Variants in TTN observed in about 807,000 individuals in gnomAD.
TTN encodes titin.
A neutral mutation model predicts 3,223.0 loss-of-function variants in TTN; 1,525 were observed. That is an observed-to-expected ratio of 0.47 (90% CI 0.45 to 0.49). The LOEUF is 0.49. TTN is among the 20% of genes least tolerant of loss of function. The probability of loss-of-function intolerance (pLI) is 0.00; values close to 1 mark genes in which losing one functional copy is unlikely to be tolerated. For missense variants in TTN, 40,786 were observed against 43,424.0 expected (o/e 0.94, Z 5.40); for synonymous variants, 14,094 against 15,161.0 (o/e 0.93, Z 5.17).
rs72648220 is a variant in TTN, at chr2:178,561,779, C to A, written c.84353G>T (p.Arg28118Leu). Residue 28118 changes from arginine (R) to leucine (L), a missense_variant, in exon 326 of 363, where the codon CGC becomes CTC. Transcript: ENST00000589042. ...AVARTSIKIV[R>L]LTTGSEYQFR... ...CTGATACTCACTTCCTGTTGTCAGG[C>A]GAACTATTTTAATGGATGTTCTTGC... 1.2e-5 allele frequency: 20 copies of A among 1,613,442 alleles called. No individual in the cohort carries two copies. The highest frequency in any genetic ancestry group is 1.7e-5 in the Non-Finnish European group (20 of 1,179,712).
rs764788146 is a variant in TTN, at chr2:178,578,194, G to C, written c.68330-9C>G. The C allele has an allele frequency of 6.2e-7, 1 of 1,606,682 alleles. No individual in the cohort carries two copies. The highest frequency in any genetic ancestry group is 1.3e-5 in the African/African-American group (1 of 74,582). ...GAACTCGAGATGATACCCTACAAAA[G>C]ACCCAGGGATGTATCAAGTATAAAT... On this transcript the variant is annotated splice_polypyrimidine_tract_variant and intron_variant, in intron 321 of 362. Transcript: ENST00000589042.
In TTN at chr2:178,564,059, T is replaced by G. The variant is rs1483331348; in HGVS notation, c.82073A>C (p.Lys27358Thr). ...TACCTTTACAGTGATGGGTATAGAC[T>G]TTGTACCACCAACATTGCTGAGTTT... The part of the protein sequence containing the change: ...ILKLSNVGGT[K>T]SIPITVKVLD... Residue 27358 changes from lysine to threonine, a missense_variant, in exon 326 of 363, where the codon AAG (lysine) becomes ACG (threonine). Lys to Thr is a moderately conservative substitution (Grantham distance 78). Transcript: ENST00000589042. 3 of 1,613,792 alleles carry G rather than the reference T, an allele frequency of 1.9e-6. No individual in the cohort carries two copies. Among genetic ancestry groups the G allele is most frequent in the Non-Finnish European group, 2.5e-6 (3 of 1,179,746 alleles).
In TTN at chr2:178,732,309, G is replaced by T. The variant is rs2080687572; in HGVS notation, c.16660C>A (p.Leu5554Met). 6.2e-7 allele frequency: 1 copy of T among 1,610,968 alleles called. No individual in the cohort carries two copies. The highest frequency in any genetic ancestry group is 1.1e-5 in the South Asian group (1 of 90,722). Reference sequence around the variant, plus strand: ...TGGGTGGCATCTCCCTTCTTTAACAGCTGTGATGGCTCTAACTTTTCAACA... The same window carrying T: ...TGGGTGGCATCTCCCTTCTTTAACATCTGTGATGGCTCTAACTTTTCAACA... ...TFVEKLEPSQ[L>M]LKKGDATQLA... The change falls in exon 57 of 363, where the codon CTG becomes ATG. Residue 5554 changes from leucine (L) to methionine (M), a missense_variant. Physicochemically the swap from Leu to Met is conservative, Grantham distance 15. Transcript: ENST00000589042.
At position 178,723,657 on chromosome 2, in the gene TTN, A is replaced by C; in HGVS notation, c.21443T>G (p.Val7148Gly). The change falls in exon 74 of 363, where the codon GTA (valine) becomes GGA (glycine). Residue 7148 changes from valine to glycine, a missense_variant. Coordinates refer to ENST00000589042, the MANE Select transcript of TTN (RefSeq NM_001267550.2). ...SFVKEPEPLEVLPGKNVTFTS... is the reference protein window; with the variant it reads ...SFVKEPEPLEGLPGKNVTFTS... Reference sequence around the variant, plus strand: ...GAAGGTTACATTTTTGCCTGGTAGTACTTCCAAAGGTTCAGGTTCTTTCAC... The same window carrying C: ...GAAGGTTACATTTTTGCCTGGTAGTCCTTCCAAAGGTTCAGGTTCTTTCAC... The C allele has an allele frequency of 6.2e-7, 1 of 1,606,690 alleles. No individual in the cohort carries two copies. The highest frequency in any genetic ancestry group is 8.5e-7 in the Non-Finnish European group (1 of 1,176,588).
Position 178,782,810 on chromosome 2 carries a change from C to A in TTN, c.3096G>T (p.Val1032=), listed in dbSNP as rs879114879. 6.2e-7 allele frequency: 1 copy of A among 1,612,796 alleles called. No individual in the cohort carries two copies. The highest frequency in any genetic ancestry group is 1.3e-5 in the African/African-American group (1 of 75,002). The change falls in exon 18 of 363, where the codon GTG becomes GTT. Residue 1032 remains valine, a synonymous_variant. Transcript: ENST00000589042. ...GTVSTSCYLA[V]QVSEEFEKET... ...TGTGGGAGGGTGGCCACTAACCCTGCACAGCCAGATAGCAGGATGTGCTGA... is the reference window on the plus strand; with the variant it reads ...TGTGGGAGGGTGGCCACTAACCCTGAACAGCCAGATAGCAGGATGTGCTGA...
In TTN at chr2:178,630,249, C is replaced by T. The variant is rs770389312; in HGVS notation, c.44273G>A (p.Arg14758Gln). The T allele has an allele frequency of 5.1e-5, 82 of 1,612,870 alleles. No homozygotes were observed. The highest frequency in any genetic ancestry group is 6.7e-5 in the Admixed American group (4 of 59,942). ...AANVKSSAHL[R>Q]VKPRVIGLLR... The stretch of plus-strand genomic sequence containing the variant: ...AAATATACAATACTTACGCTTAACT[C>T]GGAGGTGGGCACTAGATTTAACATT... The change falls in exon 239 of 363, where the codon CGA (arginine) becomes CAA (glutamine). Residue 14758 changes from arginine (R) to glutamine (Q), a missense_variant. By Grantham distance (43) the Arg-to-Gln change is conservative. Coordinates refer to ENST00000589042, the MANE Select transcript of TTN (RefSeq NM_001267550.2).
rs377009958 is a variant in TTN at position 178,719,645 on chromosome 2, G to C, written c.23847C>G (p.Pro7949=). 1 of 1,613,736 alleles carries C rather than the reference G, an allele frequency of 6.2e-7. No homozygotes were observed. The highest frequency in any genetic ancestry group is 8.5e-7 in the Non-Finnish European group (1 of 1,179,722). Residue 7949 remains proline, a synonymous_variant, in exon 82 of 363, where the codon CCC becomes CCG. Coordinates refer to ENST00000589042, the MANE Select transcript of TTN (RefSeq NM_001267550.2). ...ATCCTTTGTCACTCATTTCGGCACA[G>C]GGGATTTTAAGGGAAGCCACTTTAT... ...FINKVASLKI[P]CAEMSDKGLY...
chr2:178,671,422 G>A (rs867323928), intron 155 of TTN, among the ~76,000 whole-genome samples: 43 of 151,676 alleles, frequency 2.8e-4, no homozygotes, highest in African/African-American at 1.0e-3. Flanking sequence ...AAGATCTAGA[G>A]TGGTATTGCA....
In TTN at chr2:178,753,162, T is replaced by C. The variant is rs878972242; in HGVS notation, c.11273A>G (p.His3758Arg). Residue 3758 changes from histidine to arginine, a missense_variant, in exon 47 of 363, where the codon CAT (histidine) becomes CGT (arginine). His to Arg is a conservative substitution (Grantham distance 29, BLOSUM62 0). Transcript: ENST00000589042. ...SVEGAPESIL[H>R]ERIEQEIEME... ...CTCAATCTCTTGTTCAATCCTCTCA[T>C]GCAAAATTGATTCAGGAGCTAAAAT... The C allele has an allele frequency of 3.1e-6, 5 of 1,609,182 alleles. No homozygotes were observed. The African/African-American group carries it at 5.4e-5, about 17-fold the overall frequency.
intron 8 of TTN, 32 bp downstream of exon 8, chr2:178,794,367 C>T: frequency 1.2e-6 from 2 of 1,613,576 alleles, no homozygotes; most frequent in Non-Finnish European, 8.5e-7. Flanking sequence ...GGACGTGGCT[C>T]TGCGGGTGCC....
chr2:178,604,701 A>G lies in TTN; in HGVS notation c.54381+7T>C, dbSNP rs755173117. ...ATGTGTATAAGAAAATATTCAGAAG[A>G]GTTTACCCCATATCTTTTCTCTACA... On this transcript the variant is annotated splice_region_variant and intron_variant, in intron 281 of 362. Transcript: ENST00000589042. 6.3e-7 allele frequency: 1 copy of G among 1,594,368 alleles called. No individual in the cohort carries two copies. The highest frequency in any genetic ancestry group is 8.5e-7 in the Non-Finnish European group (1 of 1,170,842).
At chr2:178,746,229 T>C (rs758378516) in intron 47 of TTN, 1 of 1,612,888 alleles carries the variant, frequency 6.2e-7, no homozygotes, top group Non-Finnish European at 8.5e-7. Context: ...TTTTCTGGAA[T>C]TTTAAAATCA....
At chr2:178,751,334 A>G (rs556086367) in intron 47 of TTN, 1 of 1,609,772 alleles carries the variant, frequency 6.2e-7, no homozygotes, top group African/African-American at 1.3e-5. Context: ...ACTTTCACCT[A>G]CATTAAGCCA....
In TTN at chr2:178,553,787, T is replaced by C; in HGVS notation, c.89218A>G (p.Lys29740Glu). 1 of 1,600,640 alleles carries C rather than the reference T, an allele frequency of 6.2e-7. No homozygotes were observed. Among genetic ancestry groups the C allele is most frequent in the Non-Finnish European group, 8.5e-7 (1 of 1,172,242 alleles). ...TTGGTTGAATCTGCGATTCTTATCTTAGCAGGTGGACCTGGAGGATCTGGA... is the reference window on the plus strand; with the variant it reads ...TTGGTTGAATCTGCGATTCTTATCTCAGCAGGTGGACCTGGAGGATCTGGA... ...DPIDPPGPPA[K>E]IRIADSTKSS... The change falls in exon 334 of 363, where the codon AAG (lysine) becomes GAG (glutamate). Residue 29740 changes from lysine to glutamate, a missense_variant. Transcript: ENST00000589042.
Position 178,647,437 on chromosome 2 carries a change from G to A in TTN, c.40085C>T (p.Pro13362Leu). The A allele has an allele frequency of 6.5e-7, 1 of 1,549,604 alleles. No individual in the cohort carries two copies. Among genetic ancestry groups the A allele is most frequent in the Non-Finnish European group, 8.7e-7 (1 of 1,146,402 alleles). Reference sequence around the variant, plus strand: ...GATAGGCACAGACACTTCCTTTTCTGGGATGATTTTCTCAGGCACTTTGGG... The same window carrying A: ...GATAGGCACAGACACTTCCTTTTCTAGGATGATTTTCTCAGGCACTTTGGG... ...KVPKVPEKII[P>L]EKEVSVPIPA... The change falls in exon 214 of 363, where the codon CCA (proline) becomes CTA (leucine). Residue 13362 changes from proline (P) to leucine (L), a missense_variant. Transcript: ENST00000589042.
At position 178,573,760 on chromosome 2, in the gene TTN, G is replaced by A. The variant is rs762893663; in HGVS notation, c.72372C>T (p.Gly24124=). 29 of 1,595,420 alleles carry A rather than the reference G, an allele frequency of 1.8e-5. No individual in the cohort carries two copies. In the South Asian group the frequency reaches 3.2e-4, roughly 18 times the overall value. Residue 24124 remains glycine, a synonymous_variant, in exon 326 of 363, where the codon GGC becomes GGT. Coordinates refer to ENST00000589042, the MANE Select transcript of TTN (RefSeq NM_001267550.2). ...IFNVKVLDRP[G]PPEGPLAVTE... is the part of the protein sequence containing the mutation. ...TTACAGCCAAAGGTCCTTCAGGTGG[G>A]CCTGGTCTGTCAAGAACTTTGACAT...
At chr2:178,725,104 T>C in intron 71 of TTN, 1 of 362,144 alleles carries the variant, frequency 2.8e-6, no homozygotes, top group Non-Finnish European at 4.9e-6. Flanking sequence ...TCTTTCATGC[T>C]TAATCAAAGA....
Position 178,566,252 on chromosome 2 carries a change from G to C in TTN, c.79880C>G (p.Ser26627Cys). The C allele has an allele frequency of 6.2e-7, 1 of 1,613,664 alleles. No homozygotes were observed. Among genetic ancestry groups the C allele is most frequent in the Non-Finnish European group, 8.5e-7 (1 of 1,179,714 alleles). ...ATCTGTGAATTCACCTTCCTCTCGA[G>C]ACCAAGTGATCTCAGGCGTTGGACG... ...KGRPTPEITW[S>C]REEGEFTDKV... Residue 26627 changes from serine to cysteine, a missense_variant, in exon 326 of 363, where the codon TCT becomes TGT. Physicochemically the swap from Ser to Cys is moderately radical, Grantham distance 112. Coordinates refer to ENST00000589042, the MANE Select transcript of TTN (RefSeq NM_001267550.2).
chr2:178,728,104 T>C lies in TTN; in HGVS notation c.19714+6A>G. On this transcript the variant is annotated splice_donor_region_variant and intron_variant, in intron 67 of 362. Coordinates refer to ENST00000589042, the MANE Select transcript of TTN (RefSeq NM_001267550.2). ...AAGAATCAAGAAGAGGTAAAGAAATTCTAACCTTTCACAGTTAAGATGCCA... is the reference window on the plus strand; with the variant it reads ...AAGAATCAAGAAGAGGTAAAGAAATCCTAACCTTTCACAGTTAAGATGCCA... 6.5e-7 allele frequency: 1 copy of C among 1,547,630 alleles called. No homozygotes were observed. The highest frequency in any genetic ancestry group is 1.3e-5 in the South Asian group (1 of 78,236).
Sources: allele counts gnomAD v4.1 joint callset (sites outside exome capture counted in the v4.1 genomes callset), GRCh38; gene constraint gnomAD v4.1.1; transcripts MANE v1.5; gene names NCBI Gene and HGNC (gene_info 2026-07-23, HGNC 2026-07-21).